Variants in TRIM26 observed in about 807,000 individuals in gnomAD.
TRIM26 encodes the protein tripartite motif-containing protein 26.
A neutral mutation model predicts 45.5 loss-of-function variants in TRIM26; 16 were observed. The ratio of observed to expected loss-of-function variants is 0.35; its 90% CI spans 0.24 to 0.53. The LOEUF (loss-of-function observed/expected upper bound fraction) is 0.53. Among genes scored for constraint, TRIM26 ranks in the 20% least tolerant of loss-of-function variants. The probability of loss-of-function intolerance (pLI) is 0.92; values close to 1 mark genes in which losing one functional copy is unlikely to be tolerated. For synonymous variants in TRIM26, 273 were observed against 290.4 expected, an observed-to-expected ratio of 0.94 and a Z score of 0.61; for missense variants, 442 against 691.1, an observed-to-expected ratio of 0.64 and a Z score of 4.04.
Position 30,196,539 on chromosome 6 carries a change from G to T in TRIM26, c.742C>A (p.Gln248Lys). 1 of 1,609,500 alleles carries T rather than the reference G, an allele frequency of 6.2e-7. No homozygotes were observed. ...VISELEGKAQ[Q>K]PAAELMQDTR... is the part of the protein sequence containing the mutation. ...ACCTGCATGAGCTCTGCAGCTGGCTGCTGCGCCTTGCCCTCCAGTTCGGAG... is the reference window on the plus strand; with the variant it reads ...ACCTGCATGAGCTCTGCAGCTGGCTTCTGCGCCTTGCCCTCCAGTTCGGAG... Residue 248 changes from glutamine (Q) to lysine (K), a missense_variant, in exon 6 of 10, where the codon CAG (glutamine) becomes AAG (lysine). Gln to Lys is a moderately conservative substitution (Grantham distance 53). Coordinates refer to ENST00000454678, the MANE Select transcript of TRIM26 (RefSeq NM_003449.5). This position sits in a 1 kb window ranked among gnomAD's most constrained non-coding sequence, Gnocchi z 4.9.
rs746332356 is a variant in TRIM26 at position 30,185,947 on chromosome 6, T to C, written c.1549A>G (p.Thr517Ala). The C allele has an allele frequency of 3.8e-5, 61 of 1,612,812 alleles. No homozygotes were observed. The highest frequency in any genetic ancestry group is 5.0e-5 in the Non-Finnish European group (59 of 1,179,978). ...AAGGGGACCAGGCGCCGGGTGAAGG[T>C]GGCAGTGAAGGTGTAGATGAGTTCC... ...SQELIYTFTA[T>A]FTRRLVPFLW... is the part of the protein sequence containing the mutation. The change falls in exon 10 of 10, where the codon ACC (threonine) becomes GCC (alanine). Residue 517 changes from threonine (T) to alanine (A), a missense_variant. By Grantham distance (58) the Thr-to-Ala change is moderately conservative (BLOSUM62 0). Transcript: ENST00000454678. The surrounding 1 kb of genome is among the most constrained non-coding windows in gnomAD (Gnocchi z 5.7).
intron 6 of TRIM26, among the ~76,000 whole-genome samples, chr6:30,193,183 T>TA (rs1554201635): frequency 0.021 from 854 of 40,666 alleles, 31 homozygotes; most frequent in Admixed American, 0.071. Flanking sequence ...TATATATATA[T>TA]TTTTTTTTTT....
chr6:30,212,884 A>G (rs571312122), intron 1 of TRIM26, among the ~76,000 whole-genome samples: 3 of 150,874 alleles, frequency 2.0e-5, no homozygotes, highest in East Asian at 3.9e-4. Context: ...CACAGCTCCA[A>G]GTATTTGTGG....
rs1776507046 is a variant in TRIM26 at position 30,196,716 on chromosome 6, C to T, written c.565G>A (p.Val189Met). 3 of 1,614,118 alleles carry T rather than the reference C, an allele frequency of 1.9e-6. No individual in the cohort carries two copies. The highest frequency in any genetic ancestry group is 2.7e-5 in the African/African-American group (2 of 74,942). ...KKLQDQRQYI[V>M]AEFEQGHQFL... is the part of the protein sequence containing the mutation. ...TGATGACCCTGCTCAAACTCAGCCA[C>T]AATGTACTGCCTCTGGTCCTGGAGC... The change falls in exon 6 of 10, where the codon GTG becomes ATG. Residue 189 changes from valine to methionine, a missense_variant. Val to Met is a conservative substitution (Grantham distance 21). Coordinates refer to ENST00000454678, the MANE Select transcript of TRIM26 (RefSeq NM_003449.5). This position sits in a 1 kb window ranked among gnomAD's most constrained non-coding sequence, Gnocchi z 4.9.
intron 2 of TRIM26, among the ~76,000 whole-genome samples, chr6:30,203,837 C>T (rs1036040239): frequency 2.0e-5 from 3 of 151,212 alleles, no homozygotes; most frequent in African/African-American, 7.3e-5. Context: ...CTCTGTCCCC[C>T]GAGTGCAGTG....
chr6:30,212,812 T>C (rs1348209317), intron 1 of TRIM26, among the ~76,000 whole-genome samples: 1 of 151,560 alleles, frequency 6.6e-6, no homozygotes, highest in Non-Finnish European at 1.5e-5. Flanking sequence ...ACACTTTTTT[T>C]CTAAGGCCAA....
rs369503026 is a variant in TRIM26 at position 30,198,009 on chromosome 6, C to T, written c.534+420G>A. On this transcript the variant is annotated intron_variant, in intron 5 of 9. Transcript: ENST00000454678. The surrounding 1 kb of genome is among the most constrained non-coding windows in gnomAD (Gnocchi z 6.3). Reference sequence around the variant, plus strand: ...TAGCTGTTTTCTAGCCCTTCCCTCTCAGTTCTTACCCTGGAGCCAGCTCCC... The same window carrying T: ...TAGCTGTTTTCTAGCCCTTCCCTCTTAGTTCTTACCCTGGAGCCAGCTCCC... Among the ~76,000 whole-genome samples the T allele has an allele frequency of 7.9e-5, 12 of 152,316 alleles. No homozygotes were observed. The East Asian group carries it at 2.3e-3, about 29-fold the overall frequency.
intron 6 of TRIM26, among the ~76,000 whole-genome samples, chr6:30,191,523 T>C (rs1387001399): frequency 1.3e-5 from 2 of 151,584 alleles, no homozygotes; most frequent in Non-Finnish European, 2.9e-5. Context: ...ACGTGAGTGA[T>C]ACGCACCACG....
chr6:30,197,170 C>T (rs958451802), intron 5 of TRIM26, among the ~76,000 whole-genome samples: 3 of 152,222 alleles, frequency 2.0e-5, no homozygotes, highest in African/African-American at 7.2e-5. Context: ...CAGCACCCCA[C>T]TGTTCAGTCT....
In TRIM26 at chr6:30,186,519, AGGTACCCACTGGCCGACTGTG is replaced by A; in HGVS notation, c.956_976del (p.Pro319_Tyr325del). ...GCACTTCCAGTCCTCTGACAGCTGC[AGGTACCCACTGGCCGACTGTG>A]GGTCCAGGGTGACGCTCACTGTGGG... is the stretch of plus-strand genomic sequence containing the variant. On this transcript the variant is annotated inframe_deletion, in exon 10 of 10. Transcript: ENST00000454678. This position sits in a 1 kb window ranked among gnomAD's most constrained non-coding sequence, Gnocchi z 7.4. The A allele has an allele frequency of 6.5e-7, 1 of 1,527,036 alleles. No individual in the cohort carries two copies. The allele number at this position is 1,527,036 out of a possible 1,614,324, so 94.6% of individuals were successfully genotyped here. A position where few individuals can be genotyped will look rare whatever the true frequency, so the allele number is the denominator to read the frequency against.
intron 3 of TRIM26, among the ~76,000 whole-genome samples, chr6:30,199,757 C>T (rs913132932): frequency 6.6e-6 from 1 of 152,094 alleles, no homozygotes; most frequent in African/African-American, 2.4e-5. Flanking sequence ...CTGCCTCAGC[C>T]TCCCGAGTAG....
intron 1 of TRIM26, among the ~76,000 whole-genome samples, chr6:30,212,803 C>T (rs1778412518): frequency 6.6e-6 from 1 of 150,762 alleles, no homozygotes; most frequent in Non-Finnish European, 1.5e-5. Context: ...GTTAAATTTA[C>T]ACTTTTTTTC....
chr6:30,186,002 G>T lies in TRIM26; in HGVS notation c.1494C>A (p.Gly498=). The stretch of plus-strand genomic sequence containing the variant: ...ACTCTGCGTTGGTGAAAGTCACGGT[G>T]CCCCCTTCATAATCCAGGGCGATGC... ...RVGIALDYEG[G]TVTFTNAESQ... The change falls in exon 10 of 10, where the codon GGC becomes GGA. Residue 498 remains glycine, a synonymous_variant. Transcript: ENST00000454678. The surrounding 1 kb of genome is among the most constrained non-coding windows in gnomAD (Gnocchi z 7.4). 6.2e-7 allele frequency: 1 copy of T among 1,611,868 alleles called. No individual in the cohort carries two copies.
rs1243206921 is a variant in TRIM26 at position 30,209,699 on chromosome 6, C to T, written c.-376+3606G>A. 1.3e-5 allele frequency among the ~76,000 whole-genome samples: 2 copies of T among 152,098 alleles called. No homozygotes were observed. The highest frequency in any genetic ancestry group is 6.5e-5 in the Admixed American group (1 of 15,270). ...GGATCTCATCCTTGTTATTCTCCTG[C>T]TTCAAATCTCCTAGCTGAGGCTGGG... On this transcript the variant is annotated intron_variant, in intron 1 of 9. Coordinates refer to ENST00000454678, the MANE Select transcript of TRIM26 (RefSeq NM_003449.5). The surrounding 1 kb of genome is among the most constrained non-coding windows in gnomAD (Gnocchi z 4.8).
chr6:30,207,441 T>A lies in TRIM26; in HGVS notation c.-375-2676A>T, dbSNP rs140090451. Among the ~76,000 whole-genome samples the A allele has an allele frequency of 9.9e-5, 15 of 152,264 alleles. No homozygotes were observed. Among genetic ancestry groups the A allele is most frequent in the Admixed American group, 2.0e-4 (3 of 15,300 alleles). On this transcript the variant is annotated intron_variant, in intron 1 of 9. Transcript: ENST00000454678. The surrounding 1 kb of genome is among the most constrained non-coding windows in gnomAD (Gnocchi z 4.9). ...GTGGGATCATCAAACCCTCAAGGGTTTCCTGATTTACATAAACCTCCTCTC... is the reference window on the plus strand; with the variant it reads ...GTGGGATCATCAAACCCTCAAGGGTATCCTGATTTACATAAACCTCCTCTC...
In TRIM26 at chr6:30,198,881, C is replaced by G. The variant is rs1489772120; in HGVS notation, c.223G>C (p.Val75Leu). Residue 75 changes from valine (V) to leucine (L), a missense_variant, in exon 4 of 10, where the codon GTG becomes CTG. Transcript: ENST00000454678. The surrounding 1 kb of genome is among the most constrained non-coding windows in gnomAD (Gnocchi z 6.3). Reference sequence around the variant, plus strand: ...ACCTTCAGCCGCTCAATGTTCTCCACCAGGCTGGCCAGTTGCCACACGGGT... The same window carrying G: ...ACCTTCAGCCGCTCAATGTTCTCCAGCAGGCTGGCCAGTTGCCACACGGGT... The part of the protein sequence containing the change: ...IRPVWQLASL[V>L]ENIERLKVDK... 4.3e-6 allele frequency: 7 copies of G among 1,612,916 alleles called. No individual in the cohort carries two copies. Among genetic ancestry groups the G allele is most frequent in the Non-Finnish European group, 5.9e-6 (7 of 1,179,898 alleles).
Position 30,186,164 on chromosome 6 carries a change from G to A in TRIM26, c.1332C>T (p.Asp444=), listed in dbSNP as rs779126877. 2 of 1,596,720 alleles carry A rather than the reference G, an allele frequency of 1.3e-6. No individual in the cohort carries two copies. The highest frequency in any genetic ancestry group is 8.5e-7 in the Non-Finnish European group (1 of 1,171,234). Reference sequence around the variant, plus strand: ...AGAGGTCTCCCTTCCTCTTCACAGAGTCTCTAGCCACCCCCACCATGCAGC... The same window carrying A: ...AGAGGTCTCCCTTCCTCTTCACAGAATCTCTAGCCACCCCCACCATGCAGC... ...LESCMVGVAR[D]SVKRKGDLSL... The change falls in exon 10 of 10, where the codon GAC becomes GAT. Residue 444 remains aspartate, a synonymous_variant. Coordinates refer to ENST00000454678, the MANE Select transcript of TRIM26 (RefSeq NM_003449.5). The surrounding 1 kb of genome is among the most constrained non-coding windows in gnomAD (Gnocchi z 7.4).
chr6:30,187,121 G>A lies in TRIM26; in HGVS notation c.938-563C>T, dbSNP rs530390847. 18 of 294,296 alleles carry A rather than the reference G, an allele frequency of 6.1e-5. No individual in the cohort carries two copies. The East Asian group carries it at 1.8e-3, about 30-fold the overall frequency. The allele number at this position is 294,296 out of a possible 1,614,324, so 18.2% of individuals were successfully genotyped here. On this transcript the variant is annotated intron_variant, in intron 9 of 9. Coordinates refer to ENST00000454678, the MANE Select transcript of TRIM26 (RefSeq NM_003449.5). ...TGTTGTATTTCTGTATGATGAAGTT[G>A]CATGGACTCTACCCCAATTACTGCA...
chr6:30,189,796 C>A lies in TRIM26; in HGVS notation c.788+217G>T. ...TCCCACCTCAAATAAGGCCAGTGGG[C>A]CAAGGAGCTGGGGCTACACAGAGAA... is the stretch of plus-strand genomic sequence containing the variant. On this transcript the variant is annotated intron_variant, in intron 7 of 9. Transcript: ENST00000454678. The surrounding 1 kb of genome is among the most constrained non-coding windows in gnomAD (Gnocchi z 5.0). 1 of 650,354 alleles carries A rather than the reference C, an allele frequency of 1.5e-6. No homozygotes were observed. Among genetic ancestry groups the A allele is most frequent in the Non-Finnish European group, 2.6e-6 (1 of 383,166 alleles). The allele number at this position is 650,354 out of a possible 1,614,324, so 40.3% of individuals were successfully genotyped here. A position where few individuals can be genotyped will look rare whatever the true frequency, so the allele number is the denominator to read the frequency against.
Sources: allele counts gnomAD v4.1 joint callset (sites outside exome capture counted in the v4.1 genomes callset), GRCh38; gene constraint gnomAD v4.1.1; non-coding constraint Gnocchi (gnomAD v3.1); transcripts MANE v1.5; gene names NCBI Gene and HGNC (gene_info 2026-07-23, HGNC 2026-07-21).